Variants in GKN2 observed in about 807,000 individuals in gnomAD.
GKN2 encodes the protein gastrokine-2.
A neutral mutation model predicts 22.7 loss-of-function variants in GKN2; 17 were observed. The ratio of observed to expected loss-of-function variants is 0.75; its 90% CI spans 0.51 to 1.13. The LOEUF (loss-of-function observed/expected upper bound fraction) is 1.13, where lower values mean the gene tolerates loss of function less well. Among genes scored for constraint, GKN2 ranks in the 50% most tolerant of loss-of-function variants. GKN2 has a pLI of 0.00. For missense variants in GKN2, 248 were observed against 221.4 expected, an observed-to-expected ratio of 1.12 and a Z score of -0.76; for synonymous variants, 82 against 79.6, an observed-to-expected ratio of 1.03 and a Z score of -0.16.
At position 68,945,398 on chromosome 2, in the gene GKN2, T is replaced by A. The variant is rs145407563; in HGVS notation, c.525A>T (p.Gly175=). The change falls in exon 6 of 6, where the codon GGA becomes GGT. Residue 175 remains glycine, a synonymous_variant. Transcript: ENST00000328895. Reference sequence around the variant, plus strand: ...CATGAATGTCTGCACAGATTGAAATTCCCAAGATGCCCAGGAGCCCAGCCT... The same window carrying A: ...CATGAATGTCTGCACAGATTGAAATACCCAAGATGCCCAGGAGCCCAGCCT... The part of the protein sequence containing the change: ...CAKAGLLGIL[G]ISICADIHV 4.7e-5 allele frequency: 76 copies of A among 1,611,554 alleles called. No homozygotes were observed. In the African/African-American group the frequency reaches 8.4e-4, roughly 18 times the overall value.
chr2:68,950,016 T>C (rs1255292358), intron 3 of GKN2, 110 bp downstream of exon 3: 7 of 819,346 alleles, frequency 8.5e-6, no homozygotes, highest in Non-Finnish European at 1.2e-5. Flanking sequence ...TCTTAAAGAA[T>C]TGCAAGGTTA....
intron 3 of GKN2, among the ~76,000 whole-genome samples, chr2:68,948,047 C>A (rs1669796729): frequency 6.6e-6 from 1 of 151,760 alleles, no homozygotes; most frequent in South Asian, 2.1e-4. Context: ...AGATCGAGAC[C>A]ATCCTGGCTA....
intron 1 of GKN2, among the ~76,000 whole-genome samples, 189 bp downstream of exon 1, chr2:68,952,661 G>A (rs1417565354): frequency 6.6e-6 from 1 of 152,052 alleles, no homozygotes; most frequent in Non-Finnish European, 1.5e-5. Flanking sequence ...TCTCAAAACA[G>A]GAAAAGGACA....
At chr2:68,950,334 A>T in intron 2 of GKN2, 71 bp from the exon 3 acceptor site, 1 of 1,444,226 alleles carries the variant, frequency 6.9e-7, no homozygotes, top group Non-Finnish European at 9.4e-7. Context: ...CTTCCAACAA[A>T]ATAAAGCAGC....
intron 3 of GKN2, 119 bp downstream of exon 3, chr2:68,950,007 C>A: frequency 1.3e-6 from 1 of 764,846 alleles, no homozygotes; most frequent in Non-Finnish European, 1.9e-6. Flanking sequence ...GTGAGGAATT[C>A]TTAAAGAATT....
chr2:68,946,894 A>C (rs981387221), intron 4 of GKN2, among the ~76,000 whole-genome samples: 1 of 152,222 alleles, frequency 6.6e-6, no homozygotes, highest in Non-Finnish European at 1.5e-5. Context: ...AGTCCTTGCT[A>C]TAATGTCACT....
Position 68,950,696 on chromosome 2 carries a change from A to G in GKN2, c.66+6T>C. ...AAGAGATAAAGTCCATAAGGAACCA[A>G]CTCACCTCGTATCCATGAGATTGTA... On this transcript the variant is annotated splice_donor_region_variant and intron_variant, in intron 2 of 5. Coordinates refer to ENST00000328895, the MANE Select transcript of GKN2 (RefSeq NM_182536.3). 2 of 1,613,634 alleles carry G rather than the reference A, an allele frequency of 1.2e-6. No homozygotes were observed. Among genetic ancestry groups the G allele is most frequent in the South Asian group, 2.2e-5 (2 of 91,070 alleles).
At chr2:68,947,007 A>C (rs963592088) in intron 4 of GKN2, 140 bp downstream of exon 4, 7 of 585,422 alleles carry the variant, frequency 1.2e-5, no homozygotes, top group Non-Finnish European at 2.1e-5. Context: ...AAAACACTTT[A>C]ATAACTTTAA....
rs1558706217 is a variant in GKN2, at chr2:68,947,167, A to G, written c.295T>C (p.Trp99Arg). ...ATTACCTGTTTCTCATAGATGTACC[A>G]TTGGAGATTGTTCAGAGGAGGGATG... ...QNIPPLNNLQ[W>R]YIYEKQALDN... The change falls in exon 4 of 6, where the codon TGG (tryptophan) becomes CGG (arginine). Residue 99 changes from tryptophan to arginine, a missense_variant. Physicochemically the swap from Trp to Arg is moderately radical, Grantham distance 101. Coordinates refer to ENST00000328895, the MANE Select transcript of GKN2 (RefSeq NM_182536.3). 2 of 1,611,200 alleles carry G rather than the reference A, an allele frequency of 1.2e-6. No individual in the cohort carries two copies. The highest frequency in any genetic ancestry group is 1.7e-6 in the Non-Finnish European group (2 of 1,177,356).
In GKN2 at chr2:68,946,346, T is replaced by C. The variant is rs910105718; in HGVS notation, c.430A>G (p.Lys144Glu). 6.2e-7 allele frequency: 1 copy of C among 1,613,980 alleles called. No homozygotes were observed. The highest frequency in any genetic ancestry group is 8.5e-7 in the Non-Finnish European group (1 of 1,179,978). The change falls in exon 5 of 6, where the codon AAA becomes GAA. Residue 144 changes from lysine to glutamate, a missense_variant. Coordinates refer to ENST00000328895, the MANE Select transcript of GKN2 (RefSeq NM_182536.3). Reference protein sequence around the residue: ...LLGSPIEKLCKHIPLYKGEVV... With the variant: ...LLGSPIEKLCEHIPLYKGEVV... ...TCCCCCTTATACAAAGGGATATGTT[T>C]GCAGAGTTTCTCAATGGGTGACCCA...
At chr2:68,952,205 A>G (rs56680918) in intron 1 of GKN2, among the ~76,000 whole-genome samples, 3,498 of 152,294 alleles carry the variant, frequency 0.023, 129 homozygotes, top group African/African-American at 0.079. Flanking sequence ...GAATTTAGTC[A>G]TAATGAGAGG....
At chr2:68,945,742 G>A (rs2103887582) in intron 5 of GKN2, 1 of 266,472 alleles carries the variant, frequency 3.8e-6, no homozygotes, top group Middle Eastern at 1.2e-3. Flanking sequence ...TTCATCATCA[G>A]TTGGCCCGAC....
At position 68,950,684 on chromosome 2, in the gene GKN2, C is replaced by T; in HGVS notation, c.66+18G>A. The T allele has an allele frequency of 6.2e-7, 1 of 1,611,696 alleles. No individual in the cohort carries two copies. Among genetic ancestry groups the T allele is most frequent in the Non-Finnish European group, 8.5e-7 (1 of 1,177,788 alleles). ...CCCAACATCTCTAAGAGATAAAGTCCATAAGGAACCAACTCACCTCGTATC... is the reference window on the plus strand; with the variant it reads ...CCCAACATCTCTAAGAGATAAAGTCTATAAGGAACCAACTCACCTCGTATC... On this transcript the variant is annotated intron_variant, in intron 2 of 5. Coordinates refer to ENST00000328895, the MANE Select transcript of GKN2 (RefSeq NM_182536.3).
At chr2:68,947,456 C>A (rs1195032738) in intron 3 of GKN2, among the ~76,000 whole-genome samples, 199 bp from the exon 4 acceptor site, 1 of 152,148 alleles carries the variant, frequency 6.6e-6, no homozygotes, top group African/African-American at 2.4e-5. Flanking sequence ...GTCATTTCTA[C>A]CCCTTTGAAA....
chr2:68,947,060 C>T (rs1316499710), intron 4 of GKN2, 87 bp downstream of exon 4: 3 of 795,556 alleles, frequency 3.8e-6, no homozygotes, highest in African/African-American at 1.7e-5. Context: ...ATAGTATGAT[C>T]TTCTCCCTCA....
At chr2:68,949,661 C>A (rs920879345) in intron 3 of GKN2, among the ~76,000 whole-genome samples, 11 of 152,130 alleles carry the variant, frequency 7.2e-5, no homozygotes, top group Non-Finnish European at 1.5e-4. Context: ...CTCAAGAGAT[C>A]CTCCCGCCTC....
At chr2:68,949,325 T>C (rs1305681517) in intron 3 of GKN2, among the ~76,000 whole-genome samples, 1 of 152,196 alleles carries the variant, frequency 6.6e-6, no homozygotes, top group Non-Finnish European at 1.5e-5. Flanking sequence ...GCCTACCCTA[T>C]GTACATAATT....
intron 5 of GKN2, 31 bp downstream of exon 5, chr2:68,946,273 T>A (rs1407921044): frequency 2.2e-5 from 34 of 1,569,444 alleles, no homozygotes; most frequent in Non-Finnish European, 2.9e-5. Context: ...TCAGAAAATA[T>A]TTGGTGAGTG....
In GKN2 at chr2:68,947,207, C is replaced by T. The variant is rs1231722718; in HGVS notation, c.255G>A (p.Lys85=). ...VLSRRACFIL[K]MDHQNIPPLN... ...GAGGAGGGATGTTCTGATGGTCCAT[C>T]TTCAGGATAAAGCAGGCTCTTCGGG... The change falls in exon 4 of 6, where the codon AAG becomes AAA. Residue 85 remains lysine, a synonymous_variant. Transcript: ENST00000328895. The T allele has an allele frequency of 6.2e-7, 1 of 1,613,930 alleles. No individual in the cohort carries two copies. Among genetic ancestry groups the T allele is most frequent in the Non-Finnish European group, 8.5e-7 (1 of 1,179,946 alleles).
Sources: allele counts gnomAD v4.1 joint callset (sites outside exome capture counted in the v4.1 genomes callset), GRCh38; gene constraint gnomAD v4.1.1; transcripts MANE v1.5; gene names NCBI Gene and HGNC (gene_info 2026-07-23, HGNC 2026-07-21).